TMTC2: variants seen among roughly 807,000 people sequenced by gnomAD.
TMTC2 encodes the protein protein O-mannosyl-transferase TMTC2.
In TMTC2, 43 loss-of-function variants were observed where a neutral mutation model predicts 82.4. The ratio of observed to expected loss-of-function variants is 0.52; its 90% CI spans 0.41 to 0.67. The LOEUF (loss-of-function observed/expected upper bound fraction) is 0.67, where lower values mean the gene tolerates loss of function less well. Among genes scored for constraint, TMTC2 ranks in the 30% least tolerant of loss-of-function variants. The pLI, the probability that TMTC2 is intolerant of heterozygous loss-of-function variation, is 0.00. For synonymous variants in TMTC2, 408 were observed against 381.9 expected, an observed-to-expected ratio of 1.07 and a Z score of -0.80; for missense variants, 919 against 1,012.4, an observed-to-expected ratio of 0.91 and a Z score of 1.25.
At chr12:82,796,605 G>GA (rs1347390515) in intron 1 of TMTC2, among the ~76,000 whole-genome samples, 1 of 152,124 alleles carries the variant, frequency 6.6e-6, no homozygotes, top group Admixed American at 6.6e-5. Flanking sequence ...AAGCTTAGGG[G>GA]AAAAGTATAT....
chr12:82,725,829 AT>A lies in TMTC2; in HGVS notation c.83+38162del, dbSNP rs1323215977. 2.6e-5 allele frequency among the ~76,000 whole-genome samples: 4 copies of A among 152,310 alleles called. No individual in the cohort carries two copies. In the East Asian group the frequency reaches 7.7e-4, roughly 29 times the overall value. On this transcript the variant is annotated intron_variant, in intron 1 of 11. Coordinates refer to ENST00000321196, the MANE Select transcript of TMTC2 (RefSeq NM_152588.3). ...GGTTGGGTTTGTCTAAAGACCTGGG[AT>A]TAATAGAAAGGAAATGTTCGGATTA... is the stretch of plus-strand genomic sequence containing the variant.
intron 11 of TMTC2, among the ~76,000 whole-genome samples, chr12:83,122,600 G>T (rs777632930): frequency 6.6e-6 from 1 of 152,210 alleles, no homozygotes; most frequent in African/African-American, 2.4e-5. Context: ...ATTTTCGCCA[G>T]TGGGGGTGTG....
intron 3 of TMTC2, among the ~76,000 whole-genome samples, chr12:82,908,072 G>A (rs1041987738): frequency 3.3e-5 from 5 of 151,962 alleles, no homozygotes; most frequent in South Asian, 4.1e-4. Context: ...AGACTGTACC[G>A]AGGGCAACAG....
At chr12:82,999,350 G>C (rs1655609) in intron 8 of TMTC2, among the ~76,000 whole-genome samples, 144,037 of 152,314 alleles carry the variant, frequency 0.95, 68,185 homozygotes, top group East Asian at 1. Flanking sequence ...TCATCCTCAT[G>C]ATATCAAGGA....
At chr12:82,863,465 C>T (rs564528537) in intron 2 of TMTC2, among the ~76,000 whole-genome samples, 28 of 152,250 alleles carry the variant, frequency 1.8e-4, no homozygotes, top group Middle Eastern at 6.8e-3. Flanking sequence ...TACTATAAAA[C>T]TTTGAACAGC....
At chr12:82,772,686 C>T (rs1877372460) in intron 1 of TMTC2, among the ~76,000 whole-genome samples, 1 of 152,254 alleles carries the variant, frequency 6.6e-6, no homozygotes, top group South Asian at 2.1e-4. Context: ...TGTCTCTCTT[C>T]CTGGTCCATG....
chr12:82,905,737 G>C (rs564325573), intron 3 of TMTC2, among the ~76,000 whole-genome samples: 1 of 152,086 alleles, frequency 6.6e-6, no homozygotes, highest in Non-Finnish European at 1.5e-5. Flanking sequence ...CTGAGGTCAG[G>C]AGTTCAAGAC....
At chr12:82,868,841 T>A (rs1033537108) in intron 2 of TMTC2, among the ~76,000 whole-genome samples, 1 of 151,878 alleles carries the variant, frequency 6.6e-6, no homozygotes, top group African/African-American at 2.4e-5. Context: ...TGAGTCTGGC[T>A]TTGTTGTTGT....
intron 4 of TMTC2, among the ~76,000 whole-genome samples, chr12:82,944,075 T>C (rs1876861892): frequency 6.6e-6 from 1 of 152,054 alleles, no homozygotes; most frequent in African/African-American, 2.4e-5. Context: ...GTTGGCTAAG[T>C]TTGAGGTGAC....
rs1349352354 is a variant in TMTC2, at chr12:83,030,831, A to C, written c.2104A>C (p.Lys702Gln). 1 of 1,613,764 alleles carries C rather than the reference A, an allele frequency of 6.2e-7. No individual in the cohort carries two copies. The highest frequency in any genetic ancestry group is 8.5e-7 in the Non-Finnish European group (1 of 1,179,736). ...GAGTGAGGCTGAAAAGCTCTTCTTG[A>C]AGGCTATTGAGCTGGATCCCACCAA... ...RKSEAEKLFL[K>Q]AIELDPTKGN... Residue 702 changes from lysine to glutamine, a missense_variant, in exon 9 of 12, where the codon AAG becomes CAG. By Grantham distance (53) the Lys-to-Gln change is moderately conservative (BLOSUM62 1). Coordinates refer to ENST00000321196, the MANE Select transcript of TMTC2 (RefSeq NM_152588.3).
chr12:82,835,528 T>C (rs185277628), intron 1 of TMTC2, among the ~76,000 whole-genome samples: 132 of 152,320 alleles, frequency 8.7e-4, no homozygotes, highest in Non-Finnish European at 1.6e-3. Context: ...TTTGTTTAAC[T>C]TCAGTTGGTC....
chr12:83,065,743 C>G (rs1003510134), intron 11 of TMTC2, among the ~76,000 whole-genome samples: 1 of 151,850 alleles, frequency 6.6e-6, no homozygotes, highest in Non-Finnish European at 1.5e-5. Flanking sequence ...AATGCTGACT[C>G]TCAAGGACTA....
Position 83,053,747 on chromosome 12 carries a change from A to T in TMTC2, c.2267+2729A>T, listed in dbSNP as rs115226107. Among the ~76,000 whole-genome samples the T allele has an allele frequency of 5.6e-4, 85 of 152,204 alleles. 1 individual carries two copies. Among genetic ancestry groups the T allele is most frequent in the African/African-American group, 2.0e-3 (85 of 41,542 alleles). ...GAATAAGCTAATATAAAGTTTTGAA[A>T]TATATTATTCAATTTGGCAGTTCAG... is the stretch of plus-strand genomic sequence containing the variant. On this transcript the variant is annotated intron_variant, in intron 10 of 11. Coordinates refer to ENST00000321196, the MANE Select transcript of TMTC2 (RefSeq NM_152588.3).
chr12:83,050,697 A>G (rs1203205294), intron 9 of TMTC2, among the ~76,000 whole-genome samples: 1 of 142,092 alleles, frequency 7.0e-6, no homozygotes, highest in African/African-American at 2.5e-5. Flanking sequence ...TCTTTTTAAG[A>G]AAAAAAAATG....
chr12:82,712,122 TA>T (rs1387441517), intron 1 of TMTC2, among the ~76,000 whole-genome samples: 2 of 152,152 alleles, frequency 1.3e-5, no homozygotes, highest in Non-Finnish European at 2.9e-5. Flanking sequence ...TAGGTGACAC[TA>T]AACCGAGGTT....
chr12:82,915,093 G>A (rs1265264998), intron 3 of TMTC2, among the ~76,000 whole-genome samples: 2 of 152,090 alleles, frequency 1.3e-5, no homozygotes, highest in East Asian at 3.9e-4. Flanking sequence ...CCAAAGTGCT[G>A]GGATTACAGG....
intron 3 of TMTC2, among the ~76,000 whole-genome samples, chr12:82,928,764 G>T (rs1875860663): frequency 6.6e-6 from 1 of 152,182 alleles, no homozygotes; most frequent in African/African-American, 2.4e-5. Flanking sequence ...TGAGAGCTTG[G>T]TGAGATGATA....
intron 1 of TMTC2, among the ~76,000 whole-genome samples, chr12:82,723,912 T>C (rs541111159): frequency 1.3e-5 from 2 of 152,282 alleles, no homozygotes; most frequent in African/African-American, 2.4e-5. Context: ...CCAGCCCCAC[T>C]TTGTCAAAAG....
At chr12:83,095,228 T>G in intron 11 of TMTC2, among the ~76,000 whole-genome samples, 1 of 128,228 alleles carries the variant, frequency 7.8e-6, no homozygotes, top group South Asian at 2.4e-4. Context: ...GTTTTTTTTT[T>G]TGTTTTTTTT....
Sources: gnomAD v4.1 joint callset for allele counts (sites outside exome capture counted in the v4.1 genomes callset) on GRCh38, gnomAD v4.1.1 for gene constraint, MANE v1.5 for transcripts, NCBI Gene and HGNC (gene_info 2026-07-23, HGNC 2026-07-21) for gene names.